Variants in THEMIS observed in about 807,000 individuals in gnomAD.
THEMIS encodes the protein thymocyte selection associated, also known as protein THEMIS.
THEMIS carries 37 observed loss-of-function variants against 52.6 expected under a neutral mutation model. That is an observed-to-expected ratio of 0.70 (90% CI 0.54 to 0.93). The LOEUF (loss-of-function observed/expected upper bound fraction) is 0.93, where lower values mean the gene tolerates loss of function less well. Ranked by LOEUF, THEMIS falls within the 40% of genes least tolerant of loss-of-function variation. The probability of loss-of-function intolerance (pLI) is 0.00; values close to 1 mark genes in which losing one functional copy is unlikely to be tolerated. For missense variants in THEMIS, 808 were observed against 763.1 expected (o/e 1.06, Z -0.69); for synonymous variants, 292 against 272.7 (o/e 1.07, Z -0.70).
At chr6:127,781,183 T>C (rs976344269) in intron 4 of THEMIS, among the ~76,000 whole-genome samples, 1 of 151,840 alleles carries the variant, frequency 6.6e-6, no homozygotes, top group Admixed American at 6.6e-5. Context: ...TTGATCGGTT[T>C]GGTTATTGAT....
downstream of THEMIS, chr6:127,707,963 A>G (rs1773843836): frequency 6.6e-6 from 1 of 152,052 alleles, no homozygotes; most frequent in African/African-American, 2.4e-5. Context: ...TTTGGCACCT[A>G]TCTATGCAGC....
At chr6:127,911,386 A>G (rs1185193383) in intron 1 of THEMIS, among the ~76,000 whole-genome samples, 1 of 150,790 alleles carries the variant, frequency 6.6e-6, no homozygotes. Flanking sequence ...TCATGAGTTT[A>G]TTTATATCAG....
At chr6:127,793,837 A>G (rs1777239407) in intron 4 of THEMIS, among the ~76,000 whole-genome samples, 1 of 152,230 alleles carries the variant, frequency 6.6e-6, no homozygotes, top group African/African-American at 2.4e-5. Context: ...AAGCAAGGAC[A>G]CTAAGATTAT....
chr6:127,730,048 T>C (rs1330223209), intron 4 of THEMIS, among the ~76,000 whole-genome samples: 1 of 152,068 alleles, frequency 6.6e-6, no homozygotes, highest in African/African-American at 2.4e-5. Flanking sequence ...GGCAGGAGAA[T>C]CACTTCAGGC....
At chr6:127,765,093 T>C (rs185541170) in intron 4 of THEMIS, among the ~76,000 whole-genome samples, 30 of 152,092 alleles carry the variant, frequency 2.0e-4, no homozygotes, top group African/African-American at 6.5e-4. Context: ...GCACATAATT[T>C]CTTTCTTAAA....
At chr6:127,891,179 T>C (rs1583401349) in intron 1 of THEMIS, among the ~76,000 whole-genome samples, 1 of 152,142 alleles carries the variant, frequency 6.6e-6, no homozygotes. Flanking sequence ...GGCCAAAATC[T>C]TGAATTCATC....
intron 4 of THEMIS, among the ~76,000 whole-genome samples, chr6:127,746,964 CTATAATTATATTATA>C (rs1775442285): frequency 1.3e-5 from 1 of 74,228 alleles, no homozygotes; most frequent in Admixed American, 2.4e-4. Flanking sequence ...ATATAGATAT[CTATAATTATATTATA>C]TATAATTATA....
chr6:127,805,974 A>T (rs1368089525), intron 4 of THEMIS, among the ~76,000 whole-genome samples: 2 of 151,310 alleles, frequency 1.3e-5, no homozygotes, highest in Non-Finnish European at 3.0e-5. Context: ...TTTTTTTTTT[A>T]AAGAAAAACT....
intron 4 of THEMIS, among the ~76,000 whole-genome samples, chr6:127,720,163 G>C (rs1583196666): frequency 6.6e-6 from 1 of 151,584 alleles, no homozygotes; most frequent in African/African-American, 2.4e-5. Flanking sequence ...AACTAATCCA[G>C]CACTTCATTA....
At chr6:127,860,570 T>A (rs892948102) in intron 1 of THEMIS, among the ~76,000 whole-genome samples, 3 of 152,112 alleles carry the variant, frequency 2.0e-5, no homozygotes, top group African/African-American at 4.8e-5. Flanking sequence ...GACTGAAATA[T>A]GCAAAAGACT....
At chr6:127,812,358 T>C (rs554591423) in intron 4 of THEMIS, among the ~76,000 whole-genome samples, 1 of 152,304 alleles carries the variant, frequency 6.6e-6, no homozygotes, top group African/African-American at 2.4e-5. Flanking sequence ...AAGCAGAATG[T>C]GGGCAGATGC....
At chr6:127,705,570 G>A (rs537784117), downstream of THEMIS, among the ~76,000 whole-genome samples, 33 of 152,280 alleles carry the variant, frequency 2.2e-4, no homozygotes, top group African/African-American at 7.7e-4. Flanking sequence ...CATCCAAGAA[G>A]AATCTATGCT....
At chr6:127,785,323 A>G (rs1776909494) in intron 4 of THEMIS, among the ~76,000 whole-genome samples, 1 of 151,938 alleles carries the variant, frequency 6.6e-6, no homozygotes, top group African/African-American at 2.4e-5. Flanking sequence ...TATCCATGGT[A>G]TACAGGAACA....
intron 5 of THEMIS, among the ~76,000 whole-genome samples, chr6:127,714,280 G>C (rs1314359212): frequency 6.6e-6 from 1 of 151,878 alleles, no homozygotes; most frequent in Non-Finnish European, 1.5e-5. Flanking sequence ...TTACTTGACT[G>C]TGCTGATAGA....
At chr6:127,884,436 T>C (rs1384554275) in intron 1 of THEMIS, among the ~76,000 whole-genome samples, 1 of 152,150 alleles carries the variant, frequency 6.6e-6, no homozygotes, top group Non-Finnish European at 1.5e-5. Flanking sequence ...GGAATATAAC[T>C]GAATTAGGCA....
chr6:127,814,049 C>T lies in THEMIS; in HGVS notation c.710-118G>A, dbSNP rs919648938. On this transcript the variant is annotated intron_variant, in intron 3 of 5. Transcript: ENST00000368248. ...CAAAATAAAGAACTCAGATGATCAT[C>T]ATATATCATTTCTTATGTGTGATTT... 7.1e-6 allele frequency: 6 copies of T among 846,240 alleles called. No homozygotes were observed. The African/African-American group carries it at 8.7e-5, about 12-fold the overall frequency. The allele number at this position is 846,240 out of a possible 1,614,324, so 52.4% of individuals were successfully genotyped here.
downstream of THEMIS, among the ~76,000 whole-genome samples, chr6:127,705,507 T>C (rs1364741041): frequency 6.6e-6 from 1 of 152,174 alleles, no homozygotes; most frequent in African/African-American, 2.4e-5. Context: ...TTACCATCCA[T>C]TGAAGAAACA....
intron 1 of THEMIS, among the ~76,000 whole-genome samples, chr6:127,883,830 G>T (rs965683488): frequency 1.3e-5 from 2 of 152,078 alleles, no homozygotes; most frequent in Admixed American, 6.6e-5. Flanking sequence ...TGTTTAGTAG[G>T]TTAGGTGTGT....
rs180813692 is a variant in THEMIS at position 127,750,900 on chromosome 6, A to T, written c.1759-31077T>A. Among the ~76,000 whole-genome samples the T allele has an allele frequency of 1.4e-4, 22 of 151,872 alleles. 1 individual carries two copies. In the East Asian group the frequency reaches 3.7e-3, roughly 25 times the overall value. On this transcript the variant is annotated intron_variant, in intron 4 of 5. Transcript: ENST00000368248. ...AAGCTGCCCTTCAGGAAAAAAAAGA[A>T]ATACTTTCCCAGGCAAACAAAAGTT...
Sources: gnomAD v4.1 joint callset for allele counts (sites outside exome capture counted in the v4.1 genomes callset) on GRCh38, gnomAD v4.1.1 for gene constraint, MANE v1.5 for transcripts, NCBI Gene and HGNC (gene_info 2026-07-23, HGNC 2026-07-21) for gene names.